SOX5: variants seen among roughly 807,000 people sequenced by gnomAD.
The protein encoded by SOX5 is transcription factor SOX-5.
SOX5 carries 9 observed loss-of-function variants against 92.0 expected under a neutral mutation model. The ratio of observed to expected loss-of-function variants is 0.10; its 90% CI spans 0.06 to 0.17. SOX5 has a LOEUF of 0.17. SOX5 is among the 10% of genes least tolerant of loss of function. The pLI, the probability that SOX5 is intolerant of heterozygous loss-of-function variation, is 1.00. For synonymous variants in SOX5, 344 were observed against 336.3 expected (o/e 1.02, Z -0.25); for missense variants, 642 against 944.5 (o/e 0.68, Z 4.20).
intron 3 of SOX5, among the ~76,000 whole-genome samples, chr12:23,775,864 T>G (rs2095080981): frequency 6.6e-6 from 1 of 152,176 alleles, no homozygotes; most frequent in South Asian, 2.1e-4. Context: ...AAAGGCCTTC[T>G]TTGACATACC....
intron 6 of SOX5, among the ~76,000 whole-genome samples, chr12:23,707,984 C>A (rs1015004504): frequency 1.3e-5 from 2 of 151,858 alleles, no homozygotes; most frequent in African/African-American, 4.8e-5. Flanking sequence ...ACACACTTCT[C>A]GTAAGAGACT....
intron 8 of SOX5, 46 bp downstream of exon 8, chr12:23,640,766 G>A (rs751450038): frequency 6.5e-6 from 9 of 1,379,640 alleles, no homozygotes; most frequent in Admixed American, 3.4e-5. Context: ...AGCTGTTTTC[G>A]ATATTTACTT....
At chr12:24,254,196 G>T (rs1293829790) in intron 3 of SOX5, among the ~76,000 whole-genome samples, 1 of 151,860 alleles carries the variant, frequency 6.6e-6, no homozygotes. Context: ...GAACTAGATG[G>T]ATTATGGGTC....
At chr12:23,670,509 C>T (rs1489723433) in intron 6 of SOX5, among the ~76,000 whole-genome samples, 3 of 151,918 alleles carry the variant, frequency 2.0e-5, no homozygotes, top group Admixed American at 2.0e-4. Flanking sequence ...GAGAAACTAA[C>T]CAAAATTCCG....
chr12:24,047,561 C>T (rs775144854), intron 4 of SOX5, among the ~76,000 whole-genome samples: 26 of 150,152 alleles, frequency 1.7e-4, no homozygotes, highest in Admixed American at 3.3e-4. Context: ...TTATGACTTA[C>T]GACATCTCCT....
At chr12:23,829,756 T>C (rs1447798591) in intron 3 of SOX5, among the ~76,000 whole-genome samples, 1 of 152,154 alleles carries the variant, frequency 6.6e-6, no homozygotes, top group Non-Finnish European at 1.5e-5. Flanking sequence ...ATCAAATAGA[T>C]TCTTTTTTTA....
chr12:23,783,207 A>G (rs918748062), intron 3 of SOX5, among the ~76,000 whole-genome samples: 5 of 152,174 alleles, frequency 3.3e-5, no homozygotes, highest in Non-Finnish European at 7.4e-5. Context: ...GACATTGTCT[A>G]TCTTGCTATT....
intron 4 of SOX5, among the ~76,000 whole-genome samples, chr12:24,094,524 C>A (rs1945092565): frequency 6.7e-6 from 1 of 149,928 alleles, no homozygotes; most frequent in East Asian, 2.0e-4. Flanking sequence ...TACAAAATGC[C>A]AGATTTACTC....
chr12:23,616,808 AAG>A (rs1444285757), intron 8 of SOX5, among the ~76,000 whole-genome samples: 4 of 152,228 alleles, frequency 2.6e-5, no homozygotes, highest in African/African-American at 9.6e-5. Flanking sequence ...CAAAAGGCTG[AAG>A]AGTTAGTTGG....
intron 10 of SOX5, among the ~76,000 whole-genome samples, chr12:23,567,170 G>A (rs554547837): frequency 2.6e-5 from 4 of 152,248 alleles, no homozygotes; most frequent in South Asian, 2.1e-4. Context: ...TTAAATGGGC[G>A]TCAGACCATA....
chr12:23,841,478 C>T (rs1051324839), intron 3 of SOX5, among the ~76,000 whole-genome samples: 3 of 152,034 alleles, frequency 2.0e-5, no homozygotes, highest in Non-Finnish European at 4.4e-5. Context: ...CTTATGTCCA[C>T]ATAAAAAGCT....
intron 2 of SOX5, among the ~76,000 whole-genome samples, chr12:24,347,446 A>AT (rs1337823988): frequency 6.6e-6 from 1 of 152,050 alleles, no homozygotes; most frequent in Non-Finnish European, 1.5e-5. Flanking sequence ...TCACATGCTT[A>AT]TTTTTTTGTG....
At chr12:23,865,100 C>T (rs545368869) in intron 2 of SOX5, among the ~76,000 whole-genome samples, 49 of 152,238 alleles carry the variant, frequency 3.2e-4, no homozygotes, top group South Asian at 2.9e-3. Flanking sequence ...TATGCTAAAT[C>T]GGCTCTGTCT....
At chr12:23,551,487 T>C (rs944332147) in intron 11 of SOX5, among the ~76,000 whole-genome samples, 2 of 151,748 alleles carry the variant, frequency 1.3e-5, no homozygotes, top group Non-Finnish European at 2.9e-5. Flanking sequence ...AAATGATATA[T>C]AAACTATATG....
chr12:23,609,314 A>G (rs1203326180), intron 8 of SOX5, among the ~76,000 whole-genome samples: 1 of 152,196 alleles, frequency 6.6e-6, no homozygotes, highest in Non-Finnish European at 1.5e-5. Flanking sequence ...AGTAAGAGAA[A>G]GCCACTGACT....
chr12:23,819,067 T>C (rs902117916), intron 3 of SOX5, among the ~76,000 whole-genome samples: 3 of 152,214 alleles, frequency 2.0e-5, no homozygotes, highest in Non-Finnish European at 4.4e-5. Flanking sequence ...AATGATGGCA[T>C]AGTAAATATA....
chr12:23,558,073 T>C (rs186128824), intron 11 of SOX5, among the ~76,000 whole-genome samples: 2 of 152,056 alleles, frequency 1.3e-5, no homozygotes, highest in Non-Finnish European at 2.9e-5. Context: ...ACCAGTTTCA[T>C]GAAGGAAATA....
chr12:24,016,010 T>A (rs569255992), intron 4 of SOX5, among the ~76,000 whole-genome samples: 13 of 151,918 alleles, frequency 8.6e-5, no homozygotes, highest in African/African-American at 3.1e-4. Flanking sequence ...CTACCTTATG[T>A]CCAAAAGAAC....
intron 2 of SOX5, among the ~76,000 whole-genome samples, chr12:24,312,023 C>G (rs1565882363): frequency 6.7e-6 from 1 of 148,654 alleles, no homozygotes; most frequent in East Asian, 2.1e-4. Context: ...AAATTAAACC[C>G]AAAGAAATTG....
Sources: allele counts gnomAD v4.1 joint callset (sites outside exome capture counted in the v4.1 genomes callset), GRCh38; gene constraint gnomAD v4.1.1; transcripts MANE v1.5; gene names NCBI Gene and HGNC (gene_info 2026-07-23, HGNC 2026-07-21).